MEIS2: variants seen among roughly 807,000 people sequenced by gnomAD.
MEIS2 encodes Meis homeobox 2, also known as homeobox protein Meis2.
In MEIS2, 9 loss-of-function variants were observed where a neutral mutation model predicts 58.6. That is an observed-to-expected ratio of 0.15 (90% CI 0.09 to 0.27). The LOEUF (loss-of-function observed/expected upper bound fraction) is 0.27. Ranked by LOEUF, MEIS2 falls within the 10% of genes least tolerant of loss-of-function variation. The probability of loss-of-function intolerance (pLI) is 1.00; values close to 1 mark genes in which losing one functional copy is unlikely to be tolerated. For missense variants in MEIS2, 427 were observed against 635.0 expected, an observed-to-expected ratio of 0.67 and a Z score of 3.52; for synonymous variants, 221 against 228.4, an observed-to-expected ratio of 0.97 and a Z score of 0.29.
intron 8 of MEIS2, among the ~76,000 whole-genome samples, chr15:37,015,910 A>G (rs1246348125): frequency 1.3e-5 from 2 of 152,112 alleles, no homozygotes; most frequent in African/African-American, 2.4e-5. Flanking sequence ...CTTTCTTTCT[A>G]TAACGAAAGA....
At chr15:36,943,363 C>T (rs1397514844) in intron 9 of MEIS2, among the ~76,000 whole-genome samples, 1 of 152,026 alleles carries the variant, frequency 6.6e-6, no homozygotes, top group Non-Finnish European at 1.5e-5. Flanking sequence ...GAGGCTTGTG[C>T]CTAACACAGG....
At chr15:36,917,439 C>T (rs961772631) in intron 9 of MEIS2, among the ~76,000 whole-genome samples, 11 of 151,588 alleles carry the variant, frequency 7.3e-5, no homozygotes, top group African/African-American at 1.4e-4. Context: ...AAAAAATAAA[C>T]GAAAGTAAGC....
At chr15:36,973,997 C>T (rs1381382292) in intron 8 of MEIS2, among the ~76,000 whole-genome samples, 1 of 152,174 alleles carries the variant, frequency 6.6e-6, no homozygotes, top group African/African-American at 2.4e-5. Context: ...CTCGATTTTT[C>T]TAGCTATCAT....
intron 9 of MEIS2, among the ~76,000 whole-genome samples, chr15:36,936,527 G>A (rs919591532): frequency 6.6e-6 from 1 of 152,166 alleles, no homozygotes; most frequent in African/African-American, 2.4e-5. Flanking sequence ...CCTGAGCACA[G>A]GCTTGTCCAA....
intron 4 of MEIS2, chr15:37,094,966 G>A (rs748120860): frequency 1.4e-5 from 2 of 146,060 alleles, no homozygotes. Flanking sequence ...AAAAAAAAAG[G>A]TCCCTTCTCA....
At chr15:37,099,322 A>T in intron 1 of MEIS2, 133 bp downstream of exon 1, 1 of 1,557,460 alleles carries the variant, frequency 6.4e-7, no homozygotes, top group Non-Finnish European at 8.7e-7. Flanking sequence ...TAATTTTGCT[A>T]TTTTTTAAAA....
intron 8 of MEIS2, among the ~76,000 whole-genome samples, chr15:37,002,149 C>T (rs2060750800): frequency 6.6e-6 from 1 of 152,132 alleles, no homozygotes; most frequent in Non-Finnish European, 1.5e-5. Flanking sequence ...GCCCTCCCAA[C>T]ATCATTTCCT....
chr15:37,089,341 C>T (rs76740406), intron 6 of MEIS2, among the ~76,000 whole-genome samples: 12,566 of 152,090 alleles, frequency 0.083, 1,109 homozygotes, highest in Admixed American at 0.2. Context: ...CTGTCACTTC[C>T]CTCTAATTTT....
At chr15:36,983,123 C>G (rs1467165541) in intron 8 of MEIS2, among the ~76,000 whole-genome samples, 1 of 151,894 alleles carries the variant, frequency 6.6e-6, no homozygotes, top group Non-Finnish European at 1.5e-5. Context: ...TGATTGTTTC[C>G]TTTGCTATAC....
At chr15:37,088,496 G>A (rs932843821) in intron 6 of MEIS2, among the ~76,000 whole-genome samples, 1 of 151,972 alleles carries the variant, frequency 6.6e-6, no homozygotes, top group Non-Finnish European at 1.5e-5. Flanking sequence ...TCCTATCTTG[G>A]GGTACTGAAG....
intron 11 of MEIS2, 76 bp from the exon 12 acceptor site, chr15:36,892,535 GAAA>G: frequency 3.6e-4 from 182 of 508,920 alleles, no homozygotes; most frequent in Middle Eastern, 5.6e-4. Context: ...AAGATGAAAA[GAAA>G]AAAAAAAAAA....
intron 8 of MEIS2, among the ~76,000 whole-genome samples, chr15:37,022,934 C>T (rs1003423452): frequency 2.0e-5 from 3 of 152,272 alleles, no homozygotes; most frequent in Middle Eastern, 3.4e-3. Context: ...GGATTACAGG[C>T]GTGGTCCACT....
At chr15:37,046,883 A>G (rs1474841537) in intron 7 of MEIS2, among the ~76,000 whole-genome samples, 1 of 151,598 alleles carries the variant, frequency 6.6e-6, no homozygotes, top group Admixed American at 6.6e-5. Flanking sequence ...TGAAATATAT[A>G]TATATATTGC....
intron 9 of MEIS2, among the ~76,000 whole-genome samples, chr15:36,935,499 A>T (rs549678787): frequency 6.1e-4 from 93 of 152,284 alleles, no homozygotes; most frequent in African/African-American, 2.1e-3. Context: ...CAAAACATTC[A>T]TGAACACAAA....
At chr15:37,003,531 T>G (rs2060812087) in intron 8 of MEIS2, among the ~76,000 whole-genome samples, 1 of 152,192 alleles carries the variant, frequency 6.6e-6, no homozygotes, top group African/African-American at 2.4e-5. Flanking sequence ...CATATGACAC[T>G]TGCTGTAGCC....
intron 1 of MEIS2, 178 bp from the exon 2 acceptor site, chr15:37,098,377 GGGGAGAGA>G (rs1555474066): frequency 1.0e-5 from 5 of 490,594 alleles, no homozygotes; most frequent in Admixed American, 9.2e-5. Context: ...AGGAGGAGAG[GGGGAGAGA>G]GAGAGAGAGA....
At chr15:36,952,174 G>A (rs80194149) in intron 8 of MEIS2, among the ~76,000 whole-genome samples, 2 of 152,052 alleles carry the variant, frequency 1.3e-5, no homozygotes, top group African/African-American at 2.4e-5. Flanking sequence ...CATCACTGAC[G>A]CCAGTGTGGC....
At chr15:37,077,638 C>T (rs1891587527) in intron 7 of MEIS2, among the ~76,000 whole-genome samples, 1 of 151,952 alleles carries the variant, frequency 6.6e-6, no homozygotes, top group Non-Finnish European at 1.5e-5. Flanking sequence ...GCCATTTGCA[C>T]AACCTGTTCA....
intron 7 of MEIS2, among the ~76,000 whole-genome samples, chr15:37,045,407 A>C (rs1363546441): frequency 6.6e-6 from 1 of 152,156 alleles, no homozygotes; most frequent in Non-Finnish European, 1.5e-5. Context: ...AGCGGTTGTC[A>C]GGGACTACCT....
Sources: gnomAD v4.1 joint callset for allele counts (sites outside exome capture counted in the v4.1 genomes callset) on GRCh38, gnomAD v4.1.1 for gene constraint, MANE v1.5 for transcripts, NCBI Gene and HGNC (gene_info 2026-07-23, HGNC 2026-07-21) for gene names.